Variants in POU2AF1 observed in about 807,000 individuals in gnomAD.
The protein encoded by POU2AF1 is POU domain class 2-associating factor 1.
Under a neutral mutation model 26.3 loss-of-function variants are expected in POU2AF1, and 12 were observed. The ratio of observed to expected loss-of-function variants is 0.46; its 90% CI spans 0.29 to 0.74. The LOEUF (loss-of-function observed/expected upper bound fraction) is 0.74. Among genes scored for constraint, POU2AF1 ranks in the 30% least tolerant of loss-of-function variants. POU2AF1 has a pLI of 0.09. For synonymous variants in POU2AF1, 175 were observed against 148.0 expected (o/e 1.18, Z -1.32); for missense variants, 297 against 334.5 (o/e 0.89, Z 0.87).
At chr11:111,362,383 G>A (rs1234604791) in intron 1 of POU2AF1, among the ~76,000 whole-genome samples, 5 of 152,074 alleles carry the variant, frequency 3.3e-5, no homozygotes, top group Non-Finnish European at 5.9e-5. Context: ...TCACCCTGTT[G>A]TGCTGTCAAA....
intron 1 of POU2AF1, among the ~76,000 whole-genome samples, chr11:111,371,257 T>G (rs1346057778): frequency 1.3e-5 from 2 of 152,244 alleles, no homozygotes; most frequent in Non-Finnish European, 2.9e-5. Context: ...TTCTGGTTTA[T>G]AATCTTTTGG....
chr11:111,367,491 C>T (rs1591200458), intron 1 of POU2AF1, among the ~76,000 whole-genome samples: 1 of 152,120 alleles, frequency 6.6e-6, no homozygotes, highest in African/African-American at 2.4e-5. Context: ...AACGACTATA[C>T]TTGTAAGTAA....
intron 1 of POU2AF1, among the ~76,000 whole-genome samples, chr11:111,371,233 T>C (rs910810832): frequency 6.6e-6 from 1 of 152,226 alleles, no homozygotes; most frequent in African/African-American, 2.4e-5. Context: ...TCCCAGCACC[T>C]GGTCTGAGAA....
At chr11:111,375,390 C>CGTT (rs1861287712) in intron 1 of POU2AF1, among the ~76,000 whole-genome samples, 1 of 79,488 alleles carries the variant, frequency 1.3e-5, no homozygotes, top group Non-Finnish European at 2.2e-5. Context: ...TACTGAGTAT[C>CGTT]TTTTTTTTTT....
chr11:111,363,994 A>C (rs540554431), intron 1 of POU2AF1: 2 of 985,290 alleles, frequency 2.0e-6, no homozygotes, highest in Non-Finnish European at 2.4e-6. Flanking sequence ...ATACCACTGG[A>C]AGTCAAGCCA....
intron 1 of POU2AF1, among the ~76,000 whole-genome samples, chr11:111,369,053 T>C (rs1861158844): frequency 6.6e-6 from 1 of 152,200 alleles, no homozygotes; most frequent in Non-Finnish European, 1.5e-5. Context: ...CAGGCCTGTC[T>C]CTACCTGCCT....
At chr11:111,371,662 C>T (rs1039855579) in intron 1 of POU2AF1, among the ~76,000 whole-genome samples, 4 of 152,050 alleles carry the variant, frequency 2.6e-5, no homozygotes, top group South Asian at 2.1e-4. Context: ...TAAAATTAGC[C>T]GGCATAACCT....
chr11:111,360,458 A>G (rs1291936367), intron 1 of POU2AF1, among the ~76,000 whole-genome samples: 1 of 152,228 alleles, frequency 6.6e-6, no homozygotes, highest in Admixed American at 6.5e-5. Context: ...GAAGCCCAGA[A>G]GGCAGAGAGA....
intron 1 of POU2AF1, among the ~76,000 whole-genome samples, chr11:111,377,099 G>A (rs1861322485): frequency 6.6e-6 from 1 of 151,878 alleles, no homozygotes; most frequent in East Asian, 1.9e-4. Flanking sequence ...TAAAAAATTT[G>A]GGGGACAGGT....
intron 1 of POU2AF1, among the ~76,000 whole-genome samples, chr11:111,368,250 A>G (rs1307876500): frequency 2.0e-5 from 3 of 152,166 alleles, no homozygotes; most frequent in Non-Finnish European, 4.4e-5. Flanking sequence ...CCAAGTCTGT[A>G]GAGACTGTAT....
chr11:111,363,329 T>G, intron 1 of POU2AF1: 1 of 1,025,106 alleles, frequency 9.8e-7, no homozygotes, highest in Non-Finnish European at 1.2e-6. Context: ...CTTTGCAAAG[T>G]GCTCATGAAA....
chr11:111,358,380 T>A (rs113985655), intron 2 of POU2AF1, among the ~76,000 whole-genome samples: 748 of 15,850 alleles, frequency 0.047, 12 homozygotes, highest in Admixed American at 0.07. Flanking sequence ...ACACACTCTC[T>A]CACACACACT....
In POU2AF1 at chr11:111,361,160, C is replaced by G. The variant is rs899093554; in HGVS notation, c.17-2242G>C. On this transcript the variant is annotated intron_variant, in intron 1 of 4. Transcript: ENST00000393067. ...TAGTGCCTAGGAGTACAGCACTGCACAGGACCCATGGAGCCCCCGCCCACG... is the reference window on the plus strand; with the variant it reads ...TAGTGCCTAGGAGTACAGCACTGCAGAGGACCCATGGAGCCCCCGCCCACG... 2.6e-5 allele frequency among the ~76,000 whole-genome samples: 4 copies of G among 151,732 alleles called. No individual in the cohort carries two copies. In the South Asian group the frequency reaches 8.3e-4, roughly 32 times the overall value.
At chr11:111,377,435 A>G (rs1321971230) in intron 1 of POU2AF1, among the ~76,000 whole-genome samples, 2 of 152,184 alleles carry the variant, frequency 1.3e-5, no homozygotes, top group East Asian at 1.9e-4. Context: ...GGAATTAGAA[A>G]TGAAAAAATG....
At position 111,357,796 on chromosome 11, in the gene POU2AF1, C is replaced by A. The variant is rs748351015; in HGVS notation, c.189G>T (p.Val63=). The A allele has an allele frequency of 6.2e-7, 1 of 1,613,210 alleles. No homozygotes were observed. The change falls in exon 3 of 5, where the codon GTG becomes GTT. Residue 63 remains valine (V), a splice_region_variant and synonymous_variant. Transcript: ENST00000393067. ...PHQPLATYTT[V]GPSCLDMEGS... is the part of the protein sequence containing the mutation. ...ACCAGGGCTACGGGGCACTCTTACC[C>A]ACTGTGGTGTAGGTCGCCAGGGGCT...
intron 1 of POU2AF1, among the ~76,000 whole-genome samples, chr11:111,365,089 C>A (rs574257539): frequency 1.3e-5 from 2 of 152,176 alleles, no homozygotes; most frequent in African/African-American, 4.8e-5. Context: ...ACTCTTCAGA[C>A]CCCAGCATTA....
chr11:111,377,007 T>A (rs893825133), intron 1 of POU2AF1, among the ~76,000 whole-genome samples: 1 of 152,106 alleles, frequency 6.6e-6, no homozygotes, highest in Non-Finnish European at 1.5e-5. Context: ...GCTTACAATG[T>A]GGTCTCCCTT....
chr11:111,372,545 T>G (rs1248496494), intron 1 of POU2AF1, among the ~76,000 whole-genome samples: 1 of 152,244 alleles, frequency 6.6e-6, no homozygotes, highest in East Asian at 1.9e-4. Flanking sequence ...ACTTGAGGTC[T>G]GTTCACATGA....
intron 1 of POU2AF1, among the ~76,000 whole-genome samples, chr11:111,370,096 A>T (rs150386820): frequency 0.034 from 5,183 of 152,278 alleles, 123 homozygotes; most frequent in Middle Eastern, 0.14. Context: ...CCAAGTTCCA[A>T]GGCTCATGGT....
Sources: gnomAD v4.1 joint callset for allele counts (sites outside exome capture counted in the v4.1 genomes callset) on GRCh38, gnomAD v4.1.1 for gene constraint, MANE v1.5 for transcripts, NCBI Gene and HGNC (gene_info 2026-07-23, HGNC 2026-07-21) for gene names.